The following PDE4D variants were observed in gnomAD, a reference collection of about 807,000 sequenced individuals.
PDE4D encodes phosphodiesterase 4D.
A neutral mutation model predicts 87.4 loss-of-function variants in PDE4D; 24 were observed. That is an observed-to-expected ratio of 0.27 (90% confidence interval 0.20 to 0.39). PDE4D has a LOEUF of 0.39. PDE4D is among the 10% of genes least tolerant of loss of function. The probability of loss-of-function intolerance (pLI) is 1.00; values close to 1 mark genes in which losing one functional copy is unlikely to be tolerated. For missense variants in PDE4D, 714 were observed against 1,041.0 expected (o/e 0.69, Z 4.32); for synonymous variants, 384 against 383.2 (o/e 1.00, Z -0.02).
chr5:60,148,382 A>G (rs1389381449), intron 2 of PDE4D, among the ~76,000 whole-genome samples: 2 of 152,212 alleles, frequency 1.3e-5, no homozygotes, highest in African/African-American at 4.8e-5. Flanking sequence ...TATAACAACT[A>G]TTTACATAGA....
intron 1 of PDE4D, among the ~76,000 whole-genome samples, chr5:60,321,892 TG>T (rs1464168755): frequency 8.0e-6 from 1 of 124,732 alleles, no homozygotes; most frequent in Non-Finnish European, 1.6e-5. Flanking sequence ...CAAAAAATAC[TG>T]TTTTTTTTTT....
At chr5:59,235,035 C>A (rs1185256175) in intron 1 of PDE4D, among the ~76,000 whole-genome samples, 1 of 152,062 alleles carries the variant, frequency 6.6e-6, no homozygotes. Flanking sequence ...TTAAATTTGA[C>A]AAGAGGAAAA....
At position 59,867,467 on chromosome 5, in the gene PDE4D, A is replaced by T. The variant is rs1446285517; in HGVS notation, c.455+25701T>A. ...CAATCTATTAAAAAGTATACTGAGA[A>T]AAAGCAAAAATAGTCATGTGAGGGT... is the stretch of plus-strand genomic sequence containing the variant. On this transcript the variant is annotated intron_variant, in intron 1 of 14. Coordinates refer to ENST00000340635, the MANE Select transcript of PDE4D (RefSeq NM_001104631.2). Among the ~76,000 whole-genome samples the T allele has an allele frequency of 2.0e-5, 3 of 152,194 alleles. No homozygotes were observed. The East Asian group carries it at 5.8e-4, about 29-fold the overall frequency.
intron 5 of PDE4D, among the ~76,000 whole-genome samples, chr5:59,048,827 G>C (rs1215545964): frequency 6.6e-6 from 1 of 152,024 alleles, no homozygotes; most frequent in Admixed American, 6.5e-5. Context: ...CTTAATTTCT[G>C]TAACTGTCAC....
intron 6 of PDE4D, among the ~76,000 whole-genome samples, chr5:59,015,037 T>G (rs10472090): frequency 0.1 from 15,304 of 152,186 alleles, 1,029 homozygotes; most frequent in Non-Finnish European, 0.13. Context: ...ATTCCCTATT[T>G]AATAAATGGT....
chr5:59,666,565 T>A (rs954643650), intron 1 of PDE4D, among the ~76,000 whole-genome samples: 4 of 152,216 alleles, frequency 2.6e-5, no homozygotes, highest in African/African-American at 9.6e-5. Context: ...TTAAAAGCTA[T>A]TCCAAGGAGA....
At chr5:59,524,259 G>C (rs1373944174) in intron 1 of PDE4D, among the ~76,000 whole-genome samples, 1 of 152,214 alleles carries the variant, frequency 6.6e-6, no homozygotes, top group East Asian at 1.9e-4. Context: ...GAAAGTTTGG[G>C]ACGTCTGAGA....
At chr5:60,038,204 C>T (rs1186793402) in intron 2 of PDE4D, among the ~76,000 whole-genome samples, 2 of 152,150 alleles carry the variant, frequency 1.3e-5, no homozygotes, top group Non-Finnish European at 2.9e-5. Flanking sequence ...TTGCCCATGC[C>T]TATGTCCTGA....
intron 2 of PDE4D, among the ~76,000 whole-genome samples, chr5:60,017,929 C>G (rs1267763166): frequency 6.6e-6 from 1 of 152,200 alleles, no homozygotes; most frequent in Non-Finnish European, 1.5e-5. Context: ...TAAAAGCGTT[C>G]CTATTTCTCC....
chr5:58,995,156 C>A (rs1748919522), intron 6 of PDE4D, among the ~76,000 whole-genome samples: 1 of 152,074 alleles, frequency 6.6e-6, no homozygotes, highest in Non-Finnish European at 1.5e-5. Context: ...AAATTCACTT[C>A]TTTGTTCATA....
At chr5:60,058,083 C>T (rs1245735492) in intron 2 of PDE4D, among the ~76,000 whole-genome samples, 1 of 151,846 alleles carries the variant, frequency 6.6e-6, no homozygotes, top group African/African-American at 2.4e-5. Flanking sequence ...CAAGGAACAG[C>T]AAGGTACCCG....
rs575673440 is a variant in PDE4D, at chr5:60,016,834, G to A, written c.43-28117C>T. Reference sequence around the variant, plus strand: ...TTAGCATCAACTTCTTCCAAATGCCGGTAAATGTTGATATCTTGACCTCTT... The same window carrying A: ...TTAGCATCAACTTCTTCCAAATGCCAGTAAATGTTGATATCTTGACCTCTT... On this transcript the variant is annotated intron_variant, in intron 2 of 16. Transcript: ENST00000502484. 1.1e-4 allele frequency among the ~76,000 whole-genome samples: 16 copies of A among 152,220 alleles called. No homozygotes were observed. The South Asian group carries it at 2.3e-3, about 22-fold the overall frequency.
At chr5:59,040,664 AC>A (rs1409487938) in intron 5 of PDE4D, among the ~76,000 whole-genome samples, 1 of 152,198 alleles carries the variant, frequency 6.6e-6, no homozygotes, top group East Asian at 1.9e-4. Context: ...CAATAAGCAA[AC>A]CATTCATAGT....
chr5:60,324,089 C>T (rs1756556226), intron 1 of PDE4D, among the ~76,000 whole-genome samples: 1 of 152,110 alleles, frequency 6.6e-6, no homozygotes, highest in Non-Finnish European at 1.5e-5. Flanking sequence ...AAGGGCAGGA[C>T]CTCATCTGTT....
At chr5:59,100,490 T>C (rs776815215) in intron 5 of PDE4D, among the ~76,000 whole-genome samples, 23 of 152,270 alleles carry the variant, frequency 1.5e-4, no homozygotes, top group Admixed American at 4.6e-4. Flanking sequence ...TTCTGGGGGA[T>C]GGGGAAGCTT....
intron 3 of PDE4D, among the ~76,000 whole-genome samples, chr5:59,904,846 GCT>G (rs1752655811): frequency 6.6e-6 from 1 of 152,092 alleles, no homozygotes; most frequent in Non-Finnish European, 1.5e-5. Flanking sequence ...GGGAAAAGAT[GCT>G]GTTTATTTTT....
chr5:59,030,224 A>C (rs1470342694), intron 6 of PDE4D, among the ~76,000 whole-genome samples: 1 of 152,072 alleles, frequency 6.6e-6, no homozygotes, highest in Non-Finnish European at 1.5e-5. Flanking sequence ...ACAAGCAACC[A>C]AATAATAGAG....
chr5:59,576,920 C>T (rs1393031521), intron 1 of PDE4D, among the ~76,000 whole-genome samples: 1 of 152,170 alleles, frequency 6.6e-6, no homozygotes, highest in Admixed American at 6.6e-5. Context: ...TGTAAGAGGT[C>T]TCTTTCACTG....
At chr5:59,174,395 G>A (rs902495455) in intron 5 of PDE4D, 1 of 152,568 alleles carries the variant, frequency 6.6e-6, no homozygotes, top group Non-Finnish European at 1.5e-5. Context: ...CCACTTCTGT[G>A]CTGTTCTATG....
Sources: gnomAD v4.1 joint callset for allele counts (sites outside exome capture counted in the v4.1 genomes callset) on GRCh38, gnomAD v4.1.1 for gene constraint, MANE v1.5 for transcripts, NCBI Gene and HGNC (gene_info 2026-07-23, HGNC 2026-07-21) for gene names.